The following PSD3 variants were observed in gnomAD, a reference collection of about 807,000 sequenced individuals.
PSD3 encodes the protein PH and SEC7 domain-containing protein 3.
Under a neutral mutation model 105.5 loss-of-function variants are expected in PSD3, and 49 were observed. The observed-to-expected ratio is 0.46, with a 90% CI of 0.37 to 0.59. PSD3 has a LOEUF of 0.59. Among genes scored for constraint, PSD3 ranks in the 20% least tolerant of loss-of-function variants. PSD3 has a pLI of 0.00. For missense variants in PSD3, 1,561 were observed against 1,263.8 expected (o/e 1.24, Z -3.57); for synonymous variants, 557 against 457.8 (o/e 1.22, Z -2.77).
chr8:18,735,109 A>G (rs1265306041), intron 9 of PSD3, among the ~76,000 whole-genome samples: 6 of 152,186 alleles, frequency 3.9e-5, no homozygotes, highest in Non-Finnish European at 1.5e-5. Context: ...GATTAATCCT[A>G]CATTCAGTAA....
In PSD3 at chr8:19,007,403, A is replaced by C. The variant is rs1296236042; in HGVS notation, c.21+6160T>G. Among the ~76,000 whole-genome samples the C allele has an allele frequency of 2.6e-5, 4 of 152,124 alleles. No homozygotes were observed. The East Asian group carries it at 5.8e-4, about 22-fold the overall frequency. ...ATTATCGAAATTAAATAAAATTTAA[A>C]ATTCAGTTCTTAAATCTCACTAGCC... On this transcript the variant is annotated intron_variant, in intron 1 of 15. Coordinates refer to ENST00000327040, the MANE Select transcript of PSD3 (RefSeq NM_015310.4).
chr8:18,892,865 T>A (rs2129459791), intron 2 of PSD3, among the ~76,000 whole-genome samples: 1 of 152,158 alleles, frequency 6.6e-6, no homozygotes, highest in South Asian at 2.1e-4. Context: ...CCTCAAATAA[T>A]CCATCCACTT....
At chr8:18,976,307 C>A (rs188878598) in intron 1 of PSD3, among the ~76,000 whole-genome samples, 425 of 152,150 alleles carry the variant, frequency 2.8e-3, no homozygotes, top group African/African-American at 9.4e-3. Context: ...CATTGTATAA[C>A]CTTATTATTA....
At chr8:19,036,513 GGTAAA>G (rs2129476502) in intron 1 of PSD3, among the ~76,000 whole-genome samples, 1 of 152,224 alleles carries the variant, frequency 6.6e-6, no homozygotes, top group South Asian at 2.1e-4. Context: ...CCTTCTAATA[GGTAAA>G]GTATTTTACA....
chr8:18,543,201 G>C (rs1166747155), intron 15 of PSD3, among the ~76,000 whole-genome samples: 1 of 152,042 alleles, frequency 6.6e-6, no homozygotes, highest in African/African-American at 2.4e-5. Flanking sequence ...GGCAACTCAA[G>C]TGTTTAATGG....
chr8:18,665,761 A>T (rs1243607664), intron 9 of PSD3, among the ~76,000 whole-genome samples: 2 of 152,194 alleles, frequency 1.3e-5, no homozygotes, highest in African/African-American at 4.8e-5. Context: ...TGAGGTGAGA[A>T]GACTGTTTGA....
At chr8:18,846,398 C>T (rs779642337) in intron 4 of PSD3, among the ~76,000 whole-genome samples, 2 of 152,056 alleles carry the variant, frequency 1.3e-5, no homozygotes, top group Non-Finnish European at 2.9e-5. Flanking sequence ...TGAACAGAAA[C>T]GTAGGGGGCG....
At chr8:18,866,732 C>T (rs1586269860) in intron 4 of PSD3, among the ~76,000 whole-genome samples, 2 of 151,270 alleles carry the variant, frequency 1.3e-5, no homozygotes, top group South Asian at 4.2e-4. Context: ...ACAGGGCAGA[C>T]TGCTCAAAAA....
intron 8 of PSD3, among the ~76,000 whole-genome samples, chr8:18,790,340 C>T (rs1306594969): frequency 1.4e-5 from 2 of 146,366 alleles, no homozygotes; most frequent in Non-Finnish European, 3.0e-5. Flanking sequence ...GTCTTGCTCG[C>T]TGCCCAAGCT....
intron 1 of PSD3, among the ~76,000 whole-genome samples, chr8:18,996,887 C>T (rs981523805): frequency 3.9e-5 from 6 of 151,922 alleles, no homozygotes; most frequent in African/African-American, 1.5e-4. Flanking sequence ...TTGCTAAATC[C>T]CTGGGTCAAA....
chr8:18,964,191 C>A (rs142167037), intron 1 of PSD3, among the ~76,000 whole-genome samples: 2 of 152,148 alleles, frequency 1.3e-5, no homozygotes, highest in Non-Finnish European at 2.9e-5. Context: ...ATGGTGTGAT[C>A]ATGGCTCAAT....
chr8:19,049,452 G>A (rs334203), intron 1 of PSD3, among the ~76,000 whole-genome samples: 57,529 of 151,912 alleles, frequency 0.38, 11,075 homozygotes, highest in East Asian at 0.59. Context: ...TGCTCTGGGA[G>A]GCCACGGCAG....
intron 8 of PSD3, among the ~76,000 whole-genome samples, chr8:18,770,623 C>T (rs537037370): frequency 6.6e-6 from 1 of 152,314 alleles, no homozygotes; most frequent in African/African-American, 2.4e-5. Flanking sequence ...CCTTCGGGCA[C>T]CAGCAGGAGT....
chr8:18,539,532 T>C (rs1328990616), intron 15 of PSD3, among the ~76,000 whole-genome samples: 3 of 151,708 alleles, frequency 2.0e-5, no homozygotes, highest in African/African-American at 7.3e-5. Flanking sequence ...CAGCAAGAAG[T>C]ATATTAGTAA....
At chr8:19,082,474 G>T (rs969201384) in intron 1 of PSD3, among the ~76,000 whole-genome samples, 4 of 152,186 alleles carry the variant, frequency 2.6e-5, no homozygotes, top group African/African-American at 9.7e-5. Context: ...AGCTCTGGCG[G>T]GTTGCTCTCA....
At chr8:18,616,225 C>T (rs1046467197) in intron 11 of PSD3, among the ~76,000 whole-genome samples, 3 of 152,254 alleles carry the variant, frequency 2.0e-5, no homozygotes, top group African/African-American at 7.2e-5. Context: ...CCAACTCAGA[C>T]CACGTTTCTT....
At chr8:18,575,072 A>G in intron 13 of PSD3, 56 bp downstream of exon 13, 1 of 1,530,866 alleles carries the variant, frequency 6.5e-7, no homozygotes, top group Non-Finnish European at 8.8e-7. Flanking sequence ...TCCTTGCAAT[A>G]AAGTAGTGCT....
At chr8:18,721,820 A>T (rs1474021861) in intron 9 of PSD3, among the ~76,000 whole-genome samples, 1 of 152,184 alleles carries the variant, frequency 6.6e-6, no homozygotes, top group East Asian at 1.9e-4. Flanking sequence ...GTAAGTATTT[A>T]TTTAATGTGT....
At chr8:18,789,173 G>A (rs746987604) in intron 8 of PSD3, among the ~76,000 whole-genome samples, 12 of 152,222 alleles carry the variant, frequency 7.9e-5, no homozygotes, top group Non-Finnish European at 1.8e-4. Context: ...TTCTCAAAGC[G>A]TTTCAGAGAT....
Sources: allele counts gnomAD v4.1 joint callset (sites outside exome capture counted in the v4.1 genomes callset), GRCh38; gene constraint gnomAD v4.1.1; transcripts MANE v1.5; gene names NCBI Gene and HGNC (gene_info 2026-07-23, HGNC 2026-07-21).